NAA11: variants seen among roughly 807,000 people sequenced by gnomAD.
NAA11 encodes the protein N-alpha-acetyltransferase 11, NatA catalytic subunit.
A neutral mutation model predicts 16.1 loss-of-function variants in NAA11; 15 were observed. The ratio of observed to expected loss-of-function variants is 0.93; its 90% CI spans 0.62 to 1.44. The LOEUF (loss-of-function observed/expected upper bound fraction) is 1.44, where lower values mean the gene tolerates loss of function less well. Among genes scored for constraint, NAA11 ranks in the 40% most tolerant of loss-of-function variants. The probability of loss-of-function intolerance (pLI) is 0.00; values close to 1 mark genes in which losing one functional copy is unlikely to be tolerated. For missense variants in NAA11, 298 were observed against 291.3 expected (o/e 1.02, Z -0.17); for synonymous variants, 122 against 112.4 (o/e 1.09, Z -0.54).
At chr4:79,321,733 T>C (rs1169885175) in intron 1 of NAA11, among the ~76,000 whole-genome samples, 1 of 152,258 alleles carries the variant, frequency 6.6e-6, no homozygotes, top group East Asian at 1.9e-4. Context: ...GTATCTTAAA[T>C]ATCATTTATA....
At chr4:79,210,656 C>G in the NAA11 span, among the ~76,000 whole-genome samples, 1 of 152,036 alleles carries the variant, frequency 6.6e-6, no homozygotes, top group African/African-American at 2.4e-5. Flanking sequence ...TTCCTATATG[C>G]ACAGCATATG....
the NAA11 span, among the ~76,000 whole-genome samples, chr4:79,206,904 A>T: frequency 2.6e-5 from 4 of 152,154 alleles, no homozygotes; most frequent in Admixed American, 2.6e-4. Flanking sequence ...TCTTTACAGC[A>T]TCAAAGAACA....
chr4:79,194,454 G>A, the NAA11 span, among the ~76,000 whole-genome samples: 1 of 152,086 alleles, frequency 6.6e-6, no homozygotes, highest in South Asian at 2.1e-4. Flanking sequence ...AAGGTGAAGT[G>A]TGGGTCTTTA....
chr4:79,237,671 AGG>A (rs1160794351), intron 2 of NAA11, among the ~76,000 whole-genome samples: 3 of 152,114 alleles, frequency 2.0e-5, no homozygotes. Flanking sequence ...AGTATTACTG[AGG>A]GCAATTTTAT....
intron 2 of NAA11, among the ~76,000 whole-genome samples, chr4:79,277,418 CA>C (rs1453564911): frequency 6.6e-6 from 1 of 151,812 alleles, no homozygotes; most frequent in Non-Finnish European, 1.5e-5. Flanking sequence ...GAAAATCAAG[CA>C]AAATAACTAA....
intron 1 of NAA11, among the ~76,000 whole-genome samples, chr4:79,318,200 T>C (rs1006681178): frequency 6.6e-6 from 1 of 152,212 alleles, no homozygotes; most frequent in Non-Finnish European, 1.5e-5. Flanking sequence ...ATTCCAATTC[T>C]AAAGAAATGA....
chr4:79,309,871 A>G (rs1378859142), intron 1 of NAA11, among the ~76,000 whole-genome samples: 1 of 151,270 alleles, frequency 6.6e-6, no homozygotes, highest in Non-Finnish European at 1.5e-5. Flanking sequence ...GCCCGCCACC[A>G]CGCCCGGCTA....
At chr4:79,304,370 CCAGTGACA>C (rs1186958645) in intron 1 of NAA11, among the ~76,000 whole-genome samples, 1 of 151,980 alleles carries the variant, frequency 6.6e-6, no homozygotes, top group Non-Finnish European at 1.5e-5. Context: ...CAGAAAATTG[CCAGTGACA>C]CAGTGTTAGA....
the NAA11 span, among the ~76,000 whole-genome samples, chr4:79,157,072 C>T: frequency 6.6e-6 from 1 of 152,086 alleles, no homozygotes; most frequent in Admixed American, 6.6e-5. Flanking sequence ...TGTCACATAC[C>T]ATAAACATCA....
the NAA11 span, among the ~76,000 whole-genome samples, chr4:79,209,214 C>T: frequency 1.3e-5 from 2 of 152,078 alleles, no homozygotes; most frequent in African/African-American, 4.8e-5. Flanking sequence ...TAGGATCACT[C>T]CTCAAGCCCT....
the NAA11 span, among the ~76,000 whole-genome samples, chr4:79,186,576 T>C: frequency 6.6e-6 from 1 of 152,194 alleles, no homozygotes; most frequent in African/African-American, 2.4e-5. Context: ...AGCCAATCAG[T>C]GAACAACACT....
the NAA11 span, among the ~76,000 whole-genome samples, chr4:79,160,343 G>C: frequency 2.0e-5 from 3 of 151,992 alleles, no homozygotes; most frequent in East Asian, 3.8e-4. Flanking sequence ...AAACATATGC[G>C]TACACATTTT....
At chr4:79,158,408 A>C in the NAA11 span, among the ~76,000 whole-genome samples, 5,681 of 152,132 alleles carry the variant, frequency 0.037, 362 homozygotes, top group African/African-American at 0.13. Flanking sequence ...TAACTGAGGA[A>C]ATGAAAGACC....
the NAA11 span, among the ~76,000 whole-genome samples, chr4:79,172,347 A>T: frequency 6.6e-6 from 1 of 152,122 alleles, no homozygotes; most frequent in Non-Finnish European, 1.5e-5. Flanking sequence ...TTTTAAAAAA[A>T]TTAATAAGAC....
intron 1 of NAA11, among the ~76,000 whole-genome samples, chr4:79,301,658 G>C (rs1347203447): frequency 6.6e-6 from 1 of 152,150 alleles, no homozygotes; most frequent in Non-Finnish European, 1.5e-5. Context: ...GGTGATAAAA[G>C]CTGGGCACCC....
At chr4:79,281,418 G>A (rs940170400) in intron 2 of NAA11, among the ~76,000 whole-genome samples, 1 of 151,300 alleles carries the variant, frequency 6.6e-6, no homozygotes, top group African/African-American at 2.4e-5. Context: ...TAAAATCAAG[G>A]CCCATTAATT....
chr4:79,163,194 G>A, the NAA11 span, among the ~76,000 whole-genome samples: 2 of 152,296 alleles, frequency 1.3e-5, no homozygotes, highest in African/African-American at 4.8e-5. Flanking sequence ...CAGCACAGCA[G>A]CTCTGAAAAG....
At chr4:79,310,279 TTACTC>T (rs1401414564) in intron 1 of NAA11, among the ~76,000 whole-genome samples, 1 of 152,230 alleles carries the variant, frequency 6.6e-6, no homozygotes, top group African/African-American at 2.4e-5. Flanking sequence ...ATTAAAATGT[TTACTC>T]AACAACTAAA....
chr4:79,159,116 A>G, the NAA11 span, among the ~76,000 whole-genome samples: 2 of 152,238 alleles, frequency 1.3e-5, no homozygotes, highest in African/African-American at 4.8e-5. Context: ...GAGCTTCTGC[A>G]CTGCAAAAGG....
Sources: allele counts gnomAD v4.1 joint callset (sites outside exome capture counted in the v4.1 genomes callset), GRCh38; gene constraint gnomAD v4.1.1; transcripts MANE v1.5; gene names NCBI Gene and HGNC (gene_info 2026-07-23, HGNC 2026-07-21).